The following OPHN1 variants were observed in gnomAD, a reference collection of about 807,000 sequenced individuals.
OPHN1 encodes the protein oligophrenin 1, also known as oligophrenin-1.
In OPHN1, 11 loss-of-function variants were observed where a neutral mutation model predicts 60.7. That is an observed-to-expected ratio of 0.18 (90% CI 0.11 to 0.30). The LOEUF is 0.30. Ranked by LOEUF, OPHN1 falls within the 10% of genes least tolerant of loss-of-function variation. The pLI, the probability that OPHN1 is intolerant of heterozygous loss-of-function variation, is 1.00. For missense variants in OPHN1, 449 were observed against 611.0 expected (o/e 0.73, Z 2.80); for synonymous variants, 226 against 222.6 (o/e 1.02, Z -0.14).
chrX:68,119,398 T>C, intron 15 of OPHN1, 66 bp from the exon 16 acceptor site: 2 of 860,300 alleles, frequency 2.3e-6, no homozygotes, highest in Non-Finnish European at 3.4e-6. Flanking sequence ...TTTCCCTCTT[T>C]TAAAAGAAAA....
At chrX:68,230,641 A>C (rs1216832329) in intron 6 of OPHN1, among the ~76,000 whole-genome samples, 2 of 109,164 alleles carry the variant, frequency 1.8e-5, no homozygotes, top group African/African-American at 6.7e-5. Flanking sequence ...GGAAACCATC[A>C]TTCTGAGCAA....
At chrX:68,118,819 G>A (rs765517515) in intron 16 of OPHN1, among the ~76,000 whole-genome samples, 1 of 110,900 alleles carries the variant, frequency 9.0e-6, no homozygotes, top group Non-Finnish European at 1.9e-5. Flanking sequence ...GACATGATAC[G>A]TAGCACATCA....
intron 15 of OPHN1, among the ~76,000 whole-genome samples, chrX:68,121,828 T>C: frequency 9.3e-6 from 1 of 106,981 alleles, no homozygotes; most frequent in Non-Finnish European, 1.9e-5. Flanking sequence ...ATCTTGTATA[T>C]TAGCTCAGCC....
At chrX:68,296,703 G>A (rs754951903) in intron 3 of OPHN1, among the ~76,000 whole-genome samples, 1 of 107,585 alleles carries the variant, frequency 9.3e-6, no homozygotes, top group South Asian at 4.3e-4. Flanking sequence ...GCTGATGCCT[G>A]TAATCACAGA....
At chrX:68,289,349 T>C (rs2078059894) in intron 3 of OPHN1, among the ~76,000 whole-genome samples, 1 of 111,962 alleles carries the variant, frequency 8.9e-6, no homozygotes, top group South Asian at 3.7e-4. Flanking sequence ...AAAAGCAATA[T>C]GGTAGATGTT....
At chrX:68,161,822 A>G (rs748362825) in intron 15 of OPHN1, among the ~76,000 whole-genome samples, 5 of 111,398 alleles carry the variant, frequency 4.5e-5, no homozygotes, top group Non-Finnish European at 7.6e-5. Flanking sequence ...AGCAGCAATA[A>G]ACGTCCATAA....
chrX:68,267,534 T>G (rs951967766), intron 5 of OPHN1, among the ~76,000 whole-genome samples: 1 of 111,871 alleles, frequency 8.9e-6, no homozygotes, highest in Non-Finnish European at 1.9e-5. Flanking sequence ...AAGCAGTGTG[T>G]AGAGGGAAAC....
At chrX:68,240,638 C>T (rs887654640) in intron 5 of OPHN1, among the ~76,000 whole-genome samples, 2 of 111,422 alleles carry the variant, frequency 1.8e-5, no homozygotes, top group African/African-American at 6.5e-5. Context: ...CATTTTCCTA[C>T]CAGTCTACCT....
At chrX:68,327,794 A>C (rs1344521963) in intron 2 of OPHN1, among the ~76,000 whole-genome samples, 1 of 80,511 alleles carries the variant, frequency 1.2e-5, no homozygotes, top group African/African-American at 8.8e-5. Context: ...AAAATAAAAA[A>C]AATAAAAAAA....
chrX:68,384,750 C>T (rs1008305796), intron 2 of OPHN1, among the ~76,000 whole-genome samples: 3 of 110,882 alleles, frequency 2.7e-5, no homozygotes, highest in African/African-American at 9.9e-5. Context: ...AGAATATTGT[C>T]TTTTGCAGCA....
chrX:68,096,784 C>A, intron 19 of OPHN1, 86 bp downstream of exon 19: 1 of 971,629 alleles, frequency 1.0e-6, no homozygotes, highest in South Asian at 1.9e-5. Context: ...CAACGTGAGC[C>A]AAGGAGGAAG....
At chrX:68,081,939 G>A (rs758897907) in intron 19 of OPHN1, among the ~76,000 whole-genome samples, 24 of 112,018 alleles carry the variant, frequency 2.1e-4, no homozygotes, top group South Asian at 1.1e-3. Context: ...TCTCAAACCC[G>A]GCCACTGCTT....
chrX:68,391,654 A>T (rs1408334370), intron 2 of OPHN1, among the ~76,000 whole-genome samples: 1 of 111,809 alleles, frequency 8.9e-6, no homozygotes, highest in African/African-American at 3.3e-5. Flanking sequence ...TGTGTGGTTG[A>T]GCTACAGATC....
chrX:68,240,239 G>C (rs1206148807), intron 5 of OPHN1, among the ~76,000 whole-genome samples: 1 of 111,858 alleles, frequency 8.9e-6, no homozygotes, highest in Non-Finnish European at 1.9e-5. Context: ...TTAGTATAAT[G>C]TTTGCTATAG....
At chrX:68,307,367 T>C (rs991974743) in intron 2 of OPHN1, among the ~76,000 whole-genome samples, 4 of 108,408 alleles carry the variant, frequency 3.7e-5, no homozygotes, top group Admixed American at 9.9e-5. Context: ...GGCAGGAGAA[T>C]TGCTTGAGCC....
chrX:68,070,292 G>A (rs2076928283), intron 20 of OPHN1, among the ~76,000 whole-genome samples: 8 of 111,230 alleles, frequency 7.2e-5, no homozygotes, highest in Non-Finnish European at 1.5e-4. Context: ...ATGCACAATG[G>A]TTTAGTCACT....
intron 15 of OPHN1, among the ~76,000 whole-genome samples, chrX:68,169,248 G>A (rs1305599302): frequency 9.0e-6 from 1 of 111,234 alleles, no homozygotes; most frequent in Non-Finnish European, 1.9e-5. Flanking sequence ...TCTTCAAGGA[G>A]AACTACAAAC....
intron 15 of OPHN1, among the ~76,000 whole-genome samples, chrX:68,182,190 T>TTTTG (rs2045093572): frequency 1.2e-5 from 1 of 85,951 alleles, no homozygotes; most frequent in African/African-American, 5.5e-5. Context: ...GCTCTGTAGT[T>TTTTG]TTTTTTTTTT....
intron 2 of OPHN1, among the ~76,000 whole-genome samples, chrX:68,373,119 A>T (rs1374976051): frequency 1.8e-5 from 2 of 112,071 alleles, no homozygotes; most frequent in East Asian, 5.6e-4. Flanking sequence ...CAGCCTTTTC[A>T]GCTCTGCTGA....
Sources: allele counts gnomAD v4.1 joint callset (sites outside exome capture counted in the v4.1 genomes callset), GRCh38; gene constraint gnomAD v4.1.1; transcripts MANE v1.5; gene names NCBI Gene and HGNC (gene_info 2026-07-23, HGNC 2026-07-21).